Variants in SMG6 observed in about 807,000 individuals in gnomAD.
SMG6 encodes the protein SMG6 nonsense mediated mRNA decay factor.
A neutral mutation model predicts 142.2 loss-of-function variants in SMG6; 66 were observed. That is an observed-to-expected ratio of 0.46 (90% CI 0.38 to 0.57). SMG6 has a LOEUF of 0.57. SMG6 is among the 20% of genes least tolerant of loss of function. SMG6 has a pLI of 0.00. For synonymous variants in SMG6, 779 were observed against 702.4 expected (o/e 1.11, Z -1.72); for missense variants, 1,793 against 1,832.0 (o/e 0.98, Z 0.39).
intron 10 of SMG6, among the ~76,000 whole-genome samples, chr17:2,217,669 G>A (rs967295116): frequency 2.0e-5 from 3 of 152,184 alleles, no homozygotes; most frequent in Admixed American, 2.0e-4. Flanking sequence ...AAGTGCACTG[G>A]CTCCCCTCAG....
At chr17:2,163,232 G>T (rs2071235778) in intron 13 of SMG6, among the ~76,000 whole-genome samples, 1 of 151,934 alleles carries the variant, frequency 6.6e-6, no homozygotes, top group South Asian at 2.1e-4. Context: ...TGTCACTCAG[G>T]CTGGAATGCA....
rs117068010 is a variant in SMG6 at position 2,184,189 on chromosome 17, C to T, written c.3155+2474G>A. Reference sequence around the variant, plus strand: ...ACCAGCCTGACCAGCATGGTGAAACCCCATCTCTACTAAACATAAAAAAAT... The same window carrying T: ...ACCAGCCTGACCAGCATGGTGAAACTCCATCTCTACTAAACATAAAAAAAT... On this transcript the variant is annotated intron_variant, in intron 12 of 18. Coordinates refer to ENST00000263073, the MANE Select transcript of SMG6 (RefSeq NM_017575.5). 8.3e-4 allele frequency among the ~76,000 whole-genome samples: 126 copies of T among 151,912 alleles called. 1 individual carries two copies. The East Asian group carries it at 0.02, about 24-fold the overall frequency.
In SMG6 at chr17:2,064,340, G is replaced by A. The variant is rs371084832; in HGVS notation, c.4129+733C>T. On this transcript the variant is annotated intron_variant, in intron 18 of 18. Transcript: ENST00000263073. ...CCCTAGTGTCATTGACCTGTGGGGT[G>A]AGGCATGAAGGCCAGCTCAGGGTTG... Among the ~76,000 whole-genome samples, 26 of 152,230 alleles carry A rather than the reference G, an allele frequency of 1.7e-4. 1 individual carries two copies. The highest frequency in any genetic ancestry group is 6.3e-4 in the African/African-American group (26 of 41,542).
chr17:2,256,426 T>C (rs150163749), intron 8 of SMG6, among the ~76,000 whole-genome samples: 7 of 152,002 alleles, frequency 4.6e-5, no homozygotes, highest in African/African-American at 1.7e-4. Context: ...AGTAACTTAA[T>C]TTACAGACTA....
chr17:2,273,451 G>A (rs971305593), intron 8 of SMG6, among the ~76,000 whole-genome samples: 1 of 152,160 alleles, frequency 6.6e-6, no homozygotes, highest in Non-Finnish European at 1.5e-5. Context: ...ACGAGGTCAG[G>A]AGATTGAGGC....
chr17:2,196,615 G>A (rs1443899245), intron 10 of SMG6, among the ~76,000 whole-genome samples: 2 of 152,142 alleles, frequency 1.3e-5, no homozygotes, highest in South Asian at 2.1e-4. Flanking sequence ...TCTCAGGAAC[G>A]TTTCACGTAG....
intron 13 of SMG6, among the ~76,000 whole-genome samples, chr17:2,128,174 G>A (rs1291350888): frequency 2.6e-5 from 4 of 152,218 alleles, no homozygotes; most frequent in Non-Finnish European, 4.4e-5. Flanking sequence ...ACATCCACGC[G>A]CCGCTTTGTC....
chr17:2,219,210 C>T (rs1034454270), intron 10 of SMG6, among the ~76,000 whole-genome samples: 1 of 151,872 alleles, frequency 6.6e-6, no homozygotes, highest in African/African-American at 2.4e-5. Flanking sequence ...CAAGACAAAG[C>T]CCCATCTCTG....
At chr17:2,254,314 C>A (rs1218832260) in intron 8 of SMG6, among the ~76,000 whole-genome samples, 1 of 152,150 alleles carries the variant, frequency 6.6e-6, no homozygotes, top group Non-Finnish European at 1.5e-5. Context: ...TTTCCAAGAG[C>A]ACATACATAA....
chr17:2,258,045 A>C (rs2074230623), intron 8 of SMG6, among the ~76,000 whole-genome samples: 1 of 118,104 alleles, frequency 8.5e-6, no homozygotes, highest in Admixed American at 9.1e-5. Flanking sequence ...ATATACACAC[A>C]CACACACACA....
rs547704140 is a variant in SMG6, at chr17:2,215,055, T to C, written c.2869+21437A>G. The stretch of plus-strand genomic sequence containing the variant: ...GAGCCTCTCAAACTAAGCTGCCAGC[T>C]AGGGAGCTAACACTAGCTTTGGATA... On this transcript the variant is annotated intron_variant, in intron 10 of 18. Transcript: ENST00000263073. Among the ~76,000 whole-genome samples, 4 of 152,316 alleles carry C rather than the reference T, an allele frequency of 2.6e-5. No individual in the cohort carries two copies. The East Asian group carries it at 7.7e-4, about 29-fold the overall frequency.
intron 13 of SMG6, among the ~76,000 whole-genome samples, chr17:2,113,436 C>T (rs2069402388): frequency 6.6e-6 from 1 of 152,132 alleles, no homozygotes; most frequent in African/African-American, 2.4e-5. Context: ...TTATAACATG[C>T]ACTAGGGTTA....
At chr17:2,254,498 C>A (rs2074119804) in intron 8 of SMG6, among the ~76,000 whole-genome samples, 1 of 152,056 alleles carries the variant, frequency 6.6e-6, no homozygotes, top group Admixed American at 6.6e-5. Flanking sequence ...CCAAGCCCGG[C>A]CAATTTTTGT....
intron 10 of SMG6, among the ~76,000 whole-genome samples, chr17:2,232,481 C>G (rs1184064450): frequency 1.3e-5 from 2 of 152,176 alleles, no homozygotes; most frequent in Non-Finnish European, 2.9e-5. Context: ...TCGGTGAGAG[C>G]TGGCTTTCCC....
intron 14 of SMG6, among the ~76,000 whole-genome samples, chr17:2,084,811 A>C (rs1226914252): frequency 3.3e-5 from 5 of 152,242 alleles, no homozygotes; most frequent in African/African-American, 9.6e-5. Context: ...ACCTTCAGGT[A>C]AAAGTGAGGT....
intron 13 of SMG6, among the ~76,000 whole-genome samples, chr17:2,106,515 G>A (rs770875970): frequency 7.9e-5 from 12 of 152,164 alleles, no homozygotes; most frequent in Non-Finnish European, 1.5e-4. Flanking sequence ...AGAGGAAAGG[G>A]CAAGAAGGAA....
chr17:2,200,408 TGCA>T (rs1435330402), intron 10 of SMG6, among the ~76,000 whole-genome samples: 2 of 152,096 alleles, frequency 1.3e-5, no homozygotes, highest in African/African-American at 4.8e-5. Flanking sequence ...GTGCACAACG[TGCA>T]GGTTTGTCAC....
At chr17:2,117,837 C>T (rs1285410627) in intron 13 of SMG6, 1 of 152,114 alleles carries the variant, frequency 6.6e-6, no homozygotes, top group Non-Finnish European at 1.5e-5. Flanking sequence ...AAAAAAAGTA[C>T]CAAAGCAATC....
At position 2,061,496 on chromosome 17, in the gene SMG6, C is replaced by T. The variant is rs1326687344; in HGVS notation, c.4256G>A (p.Gly1419Asp). The part of the protein sequence containing the change: ...IPAFLTWAQV[G>D] ...GGGGGCCCCAGTGTGGCTCCCTCAG[C>T]CCACCTGGGCCCACGTGAGGAAGGC... is the stretch of plus-strand genomic sequence containing the variant. The change falls in exon 19 of 19, where the codon GGC (glycine) becomes GAC (aspartate). Residue 1419 changes from glycine to aspartate, a missense_variant. By Grantham distance (94) the Gly-to-Asp change is moderately conservative. Transcript: ENST00000263073. 6.4e-7 allele frequency: 1 copy of T among 1,570,326 alleles called. No individual in the cohort carries two copies. Among genetic ancestry groups the T allele is most frequent in the Non-Finnish European group, 8.6e-7 (1 of 1,159,130 alleles).
Sources: allele counts gnomAD v4.1 joint callset (sites outside exome capture counted in the v4.1 genomes callset), GRCh38; gene constraint gnomAD v4.1.1; transcripts MANE v1.5; gene names NCBI Gene and HGNC (gene_info 2026-07-23, HGNC 2026-07-21).